Variants in NEO1 observed in about 807,000 individuals in gnomAD.
The protein encoded by NEO1 is neogenin.
In NEO1, 63 loss-of-function variants were observed where a neutral mutation model predicts 159.7. The observed-to-expected ratio is 0.39, with a 90% confidence interval of 0.32 to 0.49. The LOEUF (loss-of-function observed/expected upper bound fraction) is 0.49. Among genes scored for constraint, NEO1 ranks in the 20% least tolerant of loss-of-function variants. The pLI is 0.85. For missense variants in NEO1, 1,615 were observed against 1,831.0 expected (o/e 0.88, Z 2.15); for synonymous variants, 633 against 662.0 (o/e 0.96, Z 0.67).
chr15:73,254,987 G>C (rs1196187398), intron 13 of NEO1, among the ~76,000 whole-genome samples, 158 bp downstream of exon 13: 1 of 152,234 alleles, frequency 6.6e-6, no homozygotes, highest in Non-Finnish European at 1.5e-5. Flanking sequence ...ACTTGATAGA[G>C]ATTAATGGAA....
At chr15:73,266,968 A>C (rs1019554123) in intron 16 of NEO1, among the ~76,000 whole-genome samples, 9 of 152,318 alleles carry the variant, frequency 5.9e-5, no homozygotes, top group Middle Eastern at 6.8e-3. Flanking sequence ...TACTTAAAAT[A>C]TCTCTAAAGG....
intron 8 of NEO1, among the ~76,000 whole-genome samples, chr15:73,240,799 A>G (rs942373155): frequency 2.6e-5 from 4 of 152,244 alleles, no homozygotes; most frequent in Non-Finnish European, 5.9e-5. Flanking sequence ...TTGGGAGACC[A>G]TAATAGTTTT....
At chr15:73,181,847 T>G (rs1417602564) in intron 7 of NEO1, among the ~76,000 whole-genome samples, 1 of 152,190 alleles carries the variant, frequency 6.6e-6, no homozygotes, top group Admixed American at 6.5e-5. Flanking sequence ...CTTTATCAAC[T>G]GATTGAACAT....
At chr15:73,188,391 T>A (rs1159080129) in intron 7 of NEO1, among the ~76,000 whole-genome samples, 8 of 152,318 alleles carry the variant, frequency 5.3e-5, no homozygotes, top group Middle Eastern at 3.4e-3. Context: ...GTATCTTGTT[T>A]TTCTACTTGT....
At chr15:73,296,725 G>A (rs1233741292) in intron 26 of NEO1, among the ~76,000 whole-genome samples, 1 of 152,082 alleles carries the variant, frequency 6.6e-6, no homozygotes, top group African/African-American at 2.4e-5. Context: ...CTTTATATCT[G>A]TTTTCTCCAT....
intron 5 of NEO1, among the ~76,000 whole-genome samples, chr15:73,160,360 T>C (rs1271596754): frequency 6.6e-6 from 1 of 152,178 alleles, no homozygotes; most frequent in Non-Finnish European, 1.5e-5. Context: ...TACCTACCTT[T>C]CTATTTTTCT....
chr15:73,125,158 TTAAG>T (rs1303646700), intron 3 of NEO1, among the ~76,000 whole-genome samples: 3 of 152,236 alleles, frequency 2.0e-5, no homozygotes, highest in Non-Finnish European at 4.4e-5. Context: ...TTTTGCTTAC[TTAAG>T]TAAGGGAGAG....
At chr15:73,228,574 T>C (rs1407955794) in intron 7 of NEO1, among the ~76,000 whole-genome samples, 1 of 152,076 alleles carries the variant, frequency 6.6e-6, no homozygotes, top group Middle Eastern at 3.4e-3. Flanking sequence ...TGTTTTTGTT[T>C]TGTTTTTTTC....
At chr15:73,230,368 T>A (rs1420868304) in intron 7 of NEO1, among the ~76,000 whole-genome samples, 1 of 152,170 alleles carries the variant, frequency 6.6e-6, no homozygotes, top group Non-Finnish European at 1.5e-5. Flanking sequence ...TTTTTAGTTA[T>A]CTGTAGGGTT....
chr15:73,253,388 T>TTTC lies in NEO1; in HGVS notation c.1895-11_1895-10insTCT. ...TAAAAAAAAAATTTTTTTTTTTTTT[T>TTTC]TGTTTCTCTAGTTCCCAGTGCTGCT... is the stretch of plus-strand genomic sequence containing the variant. On this transcript the variant is annotated splice_polypyrimidine_tract_variant and intron_variant, in intron 11 of 28. Transcript: ENST00000261908. 6.4e-7 allele frequency: 1 copy of TTTC among 1,553,294 alleles called. No homozygotes were observed. Among genetic ancestry groups the TTTC allele is most frequent in the Non-Finnish European group, 8.7e-7 (1 of 1,155,226 alleles).
intron 7 of NEO1, among the ~76,000 whole-genome samples, chr15:73,190,523 A>C (rs532464238): frequency 6.6e-6 from 1 of 152,270 alleles, no homozygotes; most frequent in South Asian, 2.1e-4. Context: ...AAAAAATTCC[A>C]AATAGTATCT....
intron 13 of NEO1, among the ~76,000 whole-genome samples, chr15:73,255,106 T>A (rs2040274716): frequency 6.6e-6 from 1 of 152,240 alleles, no homozygotes; most frequent in South Asian, 2.1e-4. Flanking sequence ...TATTTATTGC[T>A]TTTTTGTAAT....
At chr15:73,200,928 G>A (rs1352087406) in intron 7 of NEO1, among the ~76,000 whole-genome samples, 1 of 151,822 alleles carries the variant, frequency 6.6e-6, no homozygotes, top group African/African-American at 2.4e-5. Flanking sequence ...GTGATCTGCT[G>A]GTCTTGGCCT....
Position 73,249,706 on chromosome 15 carries a change from C to T in NEO1, c.1879C>T (p.Arg627Ter), listed in dbSNP as rs1436256201. ...PGVSTPDVAV[R>*]TLSDVPSAAP... ...AGTTTCCACACCAGATGTTGCTGTT[C>T]GAACATTGTCAGATGGTGAGTCTTT... Residue 627 changes from arginine to a stop codon, truncating the protein, a stop_gained, in exon 11 of 29, where the codon CGA becomes TGA. Transcript: ENST00000261908. LOFTEE classifies it high-confidence loss of function. 6.2e-7 allele frequency: 1 copy of T among 1,610,746 alleles called. No homozygotes were observed. The highest frequency in any genetic ancestry group is 8.5e-7 in the Non-Finnish European group (1 of 1,179,058).
chr15:73,116,010 CA>C (rs770258671), intron 1 of NEO1, among the ~76,000 whole-genome samples: 5 of 151,794 alleles, frequency 3.3e-5, no homozygotes, highest in Non-Finnish European at 1.5e-5. Flanking sequence ...ATTATAAAGT[CA>C]AATGGAAAAA....
chr15:73,254,564 G>A (rs1293433929), intron 12 of NEO1, 118 bp from the exon 13 acceptor site: 3 of 1,005,710 alleles, frequency 3.0e-6, no homozygotes, highest in Non-Finnish European at 4.3e-6. Context: ...AAAACTCTGA[G>A]TACCTTGCTG....
At chr15:73,266,754 T>C (rs1194598215) in intron 16 of NEO1, among the ~76,000 whole-genome samples, 1 of 152,160 alleles carries the variant, frequency 6.6e-6, no homozygotes, top group East Asian at 1.9e-4. Context: ...AAACAAAAAA[T>C]GTAGGTTACT....
chr15:73,287,678 C>T (rs1480741873), intron 23 of NEO1, among the ~76,000 whole-genome samples: 2 of 152,094 alleles, frequency 1.3e-5, no homozygotes, highest in African/African-American at 2.4e-5. Context: ...TTCAGGAATT[C>T]GAGAACAGCC....
chr15:73,116,347 A>G (rs879784542), intron 1 of NEO1, among the ~76,000 whole-genome samples, 193 bp from the exon 2 acceptor site: 17 of 152,176 alleles, frequency 1.1e-4, no homozygotes, highest in Non-Finnish European at 1.6e-4. Context: ...ATGTTCTTCT[A>G]AATGGCTCAA....
Sources: gnomAD v4.1 joint callset for allele counts (sites outside exome capture counted in the v4.1 genomes callset) on GRCh38, gnomAD v4.1.1 for gene constraint, MANE v1.5 for transcripts, NCBI Gene and HGNC (gene_info 2026-07-23, HGNC 2026-07-21) for gene names.